Variants in NBAS observed in about 807,000 individuals in gnomAD.
NBAS encodes the protein NBAS subunit of NRZ tethering complex.
Under a neutral mutation model 302.5 loss-of-function variants are expected in NBAS, and 219 were observed. The observed-to-expected ratio is 0.72, with a 90% CI of 0.65 to 0.81. NBAS has a LOEUF of 0.81. Among genes scored for constraint, NBAS ranks in the 30% least tolerant of loss-of-function variants. The pLI is 0.00. For missense variants in NBAS, 2,932 were observed against 2,841.6 expected (o/e 1.03, Z -0.72); for synonymous variants, 1,118 against 1,021.6 (o/e 1.09, Z -1.80).
the NBAS span, among the ~76,000 whole-genome samples, chr2:15,097,181 G>C: frequency 1.3e-5 from 2 of 152,094 alleles, no homozygotes; most frequent in Non-Finnish European, 2.9e-5. Flanking sequence ...CTGAGGGGAG[G>C]GGTGACTTGT....
chr2:15,322,843 G>A (rs1671874226), intron 38 of NBAS, among the ~76,000 whole-genome samples: 1 of 151,902 alleles, frequency 6.6e-6, no homozygotes, highest in Admixed American at 6.6e-5. Context: ...AGACATATTG[G>A]CATTATCAAA....
At chr2:14,793,938 T>C in the NBAS span, among the ~76,000 whole-genome samples, 2 of 152,114 alleles carry the variant, frequency 1.3e-5, no homozygotes, top group Non-Finnish European at 1.5e-5. Context: ...CTAACTGTGA[T>C]CTATATCTGG....
chr2:15,158,099 A>G, the NBAS span, among the ~76,000 whole-genome samples: 8 of 152,108 alleles, frequency 5.3e-5, no homozygotes, highest in Non-Finnish European at 1.2e-4. Context: ...ACTGATTCCA[A>G]TGACCTTATT....
chr2:15,244,919 A>T (rs936677439), intron 44 of NBAS, among the ~76,000 whole-genome samples: 4 of 152,064 alleles, frequency 2.6e-5, no homozygotes, highest in Admixed American at 6.5e-5. Context: ...ATGAAACGTG[A>T]GAGAAGTGTC....
the NBAS span, among the ~76,000 whole-genome samples, chr2:14,972,353 C>A: frequency 2.2e-3 from 340 of 152,104 alleles, no homozygotes; most frequent in African/African-American, 8.0e-3. Context: ...GTGCAGCAAA[C>A]CACCATGGCA....
intron 47 of NBAS, among the ~76,000 whole-genome samples, chr2:15,225,353 G>A (rs1350115571): frequency 6.6e-6 from 1 of 152,170 alleles, no homozygotes. Context: ...ATCCTGGATT[G>A]TGACGACAGC....
At chr2:15,212,948 A>C (rs569394702) in intron 48 of NBAS, among the ~76,000 whole-genome samples, 72 of 152,172 alleles carry the variant, frequency 4.7e-4, no homozygotes, top group African/African-American at 1.4e-3. Context: ...CGGTATCTAA[A>C]CCTTTAGGGT....
chr2:14,789,714 T>A, the NBAS span, among the ~76,000 whole-genome samples: 1 of 152,192 alleles, frequency 6.6e-6, no homozygotes, highest in Non-Finnish European at 1.5e-5. Flanking sequence ...ATACCACCTC[T>A]CCCTTGGCCT....
At chr2:15,214,251 A>G (rs921104899) in intron 48 of NBAS, among the ~76,000 whole-genome samples, 2 of 152,182 alleles carry the variant, frequency 1.3e-5, no homozygotes, top group African/African-American at 2.4e-5. Flanking sequence ...CCCTCTTCTC[A>G]TGGAATTTAT....
the NBAS span, among the ~76,000 whole-genome samples, chr2:14,807,144 G>A: frequency 5.3e-5 from 8 of 152,148 alleles, no homozygotes; most frequent in East Asian, 1.5e-3. Flanking sequence ...AAATATCAGG[G>A]GGGGGTTCAC....
chr2:15,393,946 G>A (rs142586206), intron 28 of NBAS, among the ~76,000 whole-genome samples: 2,251 of 152,166 alleles, frequency 0.015, 36 homozygotes, highest in Admixed American at 0.031. Context: ...TGGTAGCCCT[G>A]ATGAGGAGAA....
the NBAS span, among the ~76,000 whole-genome samples, chr2:15,000,189 C>T: frequency 6.6e-6 from 1 of 152,186 alleles, no homozygotes; most frequent in Non-Finnish European, 1.5e-5. Flanking sequence ...GGCTTAATCT[C>T]ACTGGGCTGG....
At chr2:14,959,300 C>T in the NBAS span, among the ~76,000 whole-genome samples, 1 of 152,204 alleles carries the variant, frequency 6.6e-6, no homozygotes, top group Admixed American at 6.5e-5. Context: ...CACTACCTTA[C>T]AACAGAAGAA....
At chr2:15,314,520 GC>G (rs1198578119) in intron 38 of NBAS, among the ~76,000 whole-genome samples, 1 of 152,146 alleles carries the variant, frequency 6.6e-6, no homozygotes, top group African/African-American at 2.4e-5. Context: ...GCAAGCTCCT[GC>G]CCGTGCCATG....
chr2:14,811,532 T>C, the NBAS span, among the ~76,000 whole-genome samples: 1 of 152,224 alleles, frequency 6.6e-6, no homozygotes, highest in Non-Finnish European at 1.5e-5. Flanking sequence ...TTCATTATCA[T>C]GACCGGAAGG....
chr2:15,501,584 A>ATTTTTTTT (rs70961416), intron 11 of NBAS, among the ~76,000 whole-genome samples: 10 of 107,214 alleles, frequency 9.3e-5, no homozygotes, highest in Non-Finnish European at 1.5e-4. Context: ...TGAACTAAAT[A>ATTTTTTTT]TTTTTTTTTT....
the NBAS span, among the ~76,000 whole-genome samples, chr2:15,073,681 T>A: frequency 6.6e-6 from 1 of 152,112 alleles, no homozygotes; most frequent in Non-Finnish European, 1.5e-5. Context: ...CACAGAAATA[T>A]ACATACACGT....
the NBAS span, among the ~76,000 whole-genome samples, chr2:14,961,069 T>G: frequency 6.6e-6 from 1 of 152,094 alleles, no homozygotes; most frequent in Admixed American, 6.6e-5. Context: ...TGGCCTGGAA[T>G]TCCTCTTAGG....
chr2:15,206,941 A>G lies in NBAS; in HGVS notation c.6432+11832T>C, dbSNP rs111904348. Among the ~76,000 whole-genome samples, 1,340 of 152,292 alleles carry G rather than the reference A, an allele frequency of 8.8e-3. 24 individuals carry two copies. Among genetic ancestry groups the G allele is most frequent in the African/African-American group, 0.031 (1,274 of 41,560 alleles). ...ATGCAGAGGGGAAATGTGGGGTTGG[A>G]GCCCCCACACAGAGTCACCACTGGG... On this transcript the variant is annotated intron_variant, in intron 48 of 51. Coordinates refer to ENST00000281513, the MANE Select transcript of NBAS (RefSeq NM_015909.4).
Sources: allele counts gnomAD v4.1 joint callset (sites outside exome capture counted in the v4.1 genomes callset), GRCh38; gene constraint gnomAD v4.1.1; transcripts MANE v1.5; gene names NCBI Gene and HGNC (gene_info 2026-07-23, HGNC 2026-07-21).